The following DNAH8 variants were observed in gnomAD, a reference collection of about 807,000 sequenced individuals.
DNAH8 encodes the protein axonemal beta dynein heavy chain 8.
A neutral mutation model predicts 562.1 loss-of-function variants in DNAH8; 382 were observed. The ratio of observed to expected loss-of-function variants is 0.68; its 90% confidence interval spans 0.63 to 0.74. DNAH8 has a LOEUF of 0.74. Ranked by LOEUF, DNAH8 falls within the 30% of genes least tolerant of loss-of-function variation. The pLI is 0.00. For synonymous variants in DNAH8, 1,881 were observed against 1,919.4 expected, an observed-to-expected ratio of 0.98 and a Z score of 0.52; for missense variants, 5,203 against 5,620.4, an observed-to-expected ratio of 0.93 and a Z score of 2.37.
At position 38,722,931 on chromosome 6, in the gene DNAH8, C is replaced by T; in HGVS notation, c.122C>T (p.Ala41Val). 6.2e-7 allele frequency: 1 copy of T among 1,612,652 alleles called. No homozygotes were observed. Among genetic ancestry groups the T allele is most frequent in the African/African-American group, 1.3e-5 (1 of 75,022 alleles). ...EEAPRPPTVE[A>V]PAEDGFSPSA... ...GCCCCGCGCCCTCCGACAGTGGAGGCCCCGGCAGAAGATGGTTTCTCTCCT... is the reference window on the plus strand; with the variant it reads ...GCCCCGCGCCCTCCGACAGTGGAGGTCCCGGCAGAAGATGGTTTCTCTCCT... Residue 41 changes from alanine to valine, a missense_variant, in exon 2 of 93, where the codon GCC becomes GTC. This residue lies in a region of DNAH8 where 556 missense variants were observed against 496.9 expected (regional missense o/e 1.12). Coordinates refer to ENST00000327475, the MANE Select transcript of DNAH8 (RefSeq NM_001206927.2).
At chr6:38,772,970 A>ATTTTTTTTT (rs1491433852) in intron 12 of DNAH8, among the ~76,000 whole-genome samples, 7 of 65,440 alleles carry the variant, frequency 1.1e-4, no homozygotes, top group Non-Finnish European at 1.8e-4. Flanking sequence ...AGCTAATTAA[A>ATTTTTTTTT]CTTTTTTTTT....
chr6:38,810,518 G>A (rs1490637256), intron 24 of DNAH8, among the ~76,000 whole-genome samples: 1 of 152,098 alleles, frequency 6.6e-6, no homozygotes, highest in Non-Finnish European at 1.5e-5. Context: ...CTTGAACCTG[G>A]GAGGTGGAGG....
chr6:38,823,935 G>A (rs1773094452), intron 28 of DNAH8, among the ~76,000 whole-genome samples: 2 of 151,954 alleles, frequency 1.3e-5, no homozygotes, highest in African/African-American at 4.8e-5. Context: ...AAATAGTTCT[G>A]GGCCATTGAT....
intron 26 of DNAH8, among the ~76,000 whole-genome samples, chr6:38,818,372 A>G (rs894080207): frequency 1.3e-5 from 2 of 152,026 alleles, no homozygotes; most frequent in African/African-American, 2.4e-5. Context: ...CTTATCAACA[A>G]TCTTGCAAAT....
chr6:38,921,942 C>T (rs544526640), intron 71 of DNAH8, among the ~76,000 whole-genome samples: 7 of 151,270 alleles, frequency 4.6e-5, no homozygotes, highest in South Asian at 2.1e-4. Context: ...TGTTCTCTGG[C>T]GGGCAGGGGT....
In DNAH8 at chr6:38,857,573, G is replaced by C. The variant is rs758923038; in HGVS notation, c.5789G>C (p.Arg1930Pro). The change falls in exon 42 of 93, where the codon CGT (arginine) becomes CCT (proline). Residue 1930 changes from arginine (R) to proline (P), a missense_variant. By Grantham distance (103) the Arg-to-Pro change is moderately radical. Coordinates refer to ENST00000327475, the MANE Select transcript of DNAH8 (RefSeq NM_001206927.2). The stretch of plus-strand genomic sequence containing the variant: ...ACACACGATTCAGAAGAGGCTTTAC[G>C]TAATGCAAAAGATGACAGGAAAATC... Reference protein sequence around the residue: ...LWTHDSEEALRNAKDDRKIMQ... With the variant: ...LWTHDSEEALPNAKDDRKIMQ... The C allele has an allele frequency of 6.2e-7, 1 of 1,613,932 alleles. No homozygotes were observed. The highest frequency in any genetic ancestry group is 8.5e-7 in the Non-Finnish European group (1 of 1,179,896).
At chr6:39,006,188 C>T (rs942062153) in intron 88 of DNAH8, among the ~76,000 whole-genome samples, 1 of 152,238 alleles carries the variant, frequency 6.6e-6, no homozygotes, top group Non-Finnish European at 1.5e-5. Context: ...AGACCTGTGT[C>T]ATATTTAGCA....
At chr6:38,783,269 C>A in intron 17 of DNAH8, 130 bp downstream of exon 17, 1 of 688,312 alleles carries the variant, frequency 1.5e-6, no homozygotes, top group Non-Finnish European at 2.3e-6. Context: ...TTTAGGGATG[C>A]TACAGTGGTT....
chr6:38,841,138 G>T (rs948989853), intron 33 of DNAH8, among the ~76,000 whole-genome samples: 1 of 152,054 alleles, frequency 6.6e-6, no homozygotes, highest in African/African-American at 2.4e-5. Flanking sequence ...GATAGAATGG[G>T]CTGGGTGCCG....
Position 38,894,693 on chromosome 6 carries a change from A to C in DNAH8, c.8584-8A>C, listed in dbSNP as rs1022054130. ...CTAACTGAGAGTATTACATTTTTTC[A>C]TCTCTAGGTGAAGATGCTGCCAACT... On this transcript the variant is annotated splice_region_variant and splice_polypyrimidine_tract_variant and intron_variant, in intron 58 of 92. Coordinates refer to ENST00000327475, the MANE Select transcript of DNAH8 (RefSeq NM_001206927.2). 3 of 1,608,010 alleles carry C rather than the reference A, an allele frequency of 1.9e-6. No individual in the cohort carries two copies. Among genetic ancestry groups the C allele is most frequent in the Non-Finnish European group, 2.5e-6 (3 of 1,176,546 alleles).
intron 62 of DNAH8, among the ~76,000 whole-genome samples, chr6:38,906,049 G>A (rs1481759420): frequency 1.3e-5 from 2 of 151,686 alleles, no homozygotes; most frequent in Non-Finnish European, 2.9e-5. Context: ...GGGATTATAG[G>A]CACACACCAC....
Position 39,030,430 on chromosome 6 carries a change from A to G in DNAH8, c.*38A>G, listed in dbSNP as rs1345820700. 1 of 1,580,058 alleles carries G rather than the reference A, an allele frequency of 6.3e-7. No individual in the cohort carries two copies. Among genetic ancestry groups the G allele is most frequent in the Non-Finnish European group, 8.6e-7 (1 of 1,157,176 alleles). ...CTGCTCAGGGCACCAGAACCCACAT[A>G]GACAGCCTGTGCTATTGAGGGACTC... On this transcript the variant is annotated 3_prime_UTR_variant, in exon 93 of 93. Coordinates refer to ENST00000327475, the MANE Select transcript of DNAH8 (RefSeq NM_001206927.2).
chr6:39,019,401 G>A (rs1766761279), intron 91 of DNAH8, among the ~76,000 whole-genome samples: 1 of 152,218 alleles, frequency 6.6e-6, no homozygotes, highest in Non-Finnish European at 1.5e-5. Context: ...CCTCTTGAAA[G>A]CAAGAAGATG....
At chr6:38,935,470 C>A in intron 76 of DNAH8, 122 bp from the exon 77 acceptor site, 1 of 650,720 alleles carries the variant, frequency 1.5e-6, no homozygotes, top group Non-Finnish European at 2.6e-6. Flanking sequence ...GTAATTTCTT[C>A]TGCCATTCAA....
chr6:38,738,010 T>A (rs1272119092), intron 7 of DNAH8, 38 bp downstream of exon 7: 2 of 1,590,546 alleles, frequency 1.3e-6, no homozygotes, highest in Non-Finnish European at 8.6e-7. Context: ...GACTAGTAGT[T>A]TTCATGTGCA....
At position 38,898,326 on chromosome 6, in the gene DNAH8, A is replaced by G. The variant is rs1561834966; in HGVS notation, c.9009A>G (p.Arg3003=). Residue 3003 remains arginine, a synonymous_variant, in exon 61 of 93, where the codon AGA becomes AGG. Coordinates refer to ENST00000327475, the MANE Select transcript of DNAH8 (RefSeq NM_001206927.2). ...FYQRQFNEII[R]GTSLDLVFFK... ...AGAGACAGTTCAATGAAATCATTAG[A>G]GGAACATCTCTTGATCTGGTGTTTT... is the stretch of plus-strand genomic sequence containing the variant. 2 of 1,589,864 alleles carry G rather than the reference A, an allele frequency of 1.3e-6. No homozygotes were observed.
chr6:38,812,228 T>C (rs1043284880), intron 24 of DNAH8, among the ~76,000 whole-genome samples: 3 of 152,334 alleles, frequency 2.0e-5, no homozygotes, highest in African/African-American at 7.2e-5. Context: ...CTGGCTAGGC[T>C]GTCCTTGAGT....
intron 10 of DNAH8, among the ~76,000 whole-genome samples, chr6:38,757,423 C>G (rs1241638142): frequency 1.3e-5 from 2 of 151,198 alleles, no homozygotes; most frequent in Non-Finnish European, 3.0e-5. Flanking sequence ...GGATATTAGC[C>G]CTTTGTCAGA....
In DNAH8 at chr6:38,778,446, C is replaced by CTCT; in HGVS notation, c.2024_2026dup (p.Leu675dup). 6.3e-7 allele frequency: 1 copy of CTCT among 1,593,604 alleles called. No individual in the cohort carries two copies. The highest frequency in any genetic ancestry group is 8.6e-7 in the Non-Finnish European group (1 of 1,163,498). ...GGGAAAATCTTATCTTCTCAGCAGG[C>CTCT]TCTTCAGCTACTTCAAAGGTATTCA... On this transcript the variant is annotated inframe_insertion, in exon 14 of 93. Coordinates refer to ENST00000327475, the MANE Select transcript of DNAH8 (RefSeq NM_001206927.2).
Sources: allele counts gnomAD v4.1 joint callset (sites outside exome capture counted in the v4.1 genomes callset), GRCh38; gene constraint gnomAD v4.1.1; regional missense constraint gnomAD v4.1.1; transcripts MANE v1.5; gene names NCBI Gene and HGNC (gene_info 2026-07-23, HGNC 2026-07-21).